The following HMGA2 variants were observed in gnomAD, a reference collection of about 807,000 sequenced individuals.
The protein encoded by HMGA2 is high mobility group protein HMGI-C.
A neutral mutation model predicts 19.1 loss-of-function variants in HMGA2; 8 were observed. That is an observed-to-expected ratio of 0.42 (90% CI 0.25 to 0.76). The LOEUF is 0.76. Ranked by LOEUF, HMGA2 falls within the 30% of genes least tolerant of loss-of-function variation. HMGA2 has a pLI of 0.28. For synonymous variants in HMGA2, 60 were observed against 48.8 expected (o/e 1.23, Z -0.96); for missense variants, 109 against 136.3 (o/e 0.80, Z 1.00).
chr12:65,879,567 T>C (rs1873249810), intron 3 of HMGA2, among the ~76,000 whole-genome samples: 1 of 152,200 alleles, frequency 6.6e-6, no homozygotes, highest in Non-Finnish European at 1.5e-5. Flanking sequence ...CAAAAGTGTG[T>C]TATGACATTT....
chr12:65,874,641 G>A (rs1872883258), intron 3 of HMGA2, among the ~76,000 whole-genome samples: 2 of 152,144 alleles, frequency 1.3e-5, no homozygotes, highest in Admixed American at 1.3e-4. Flanking sequence ...TAAGCAGCTT[G>A]CTACCCTGAT....
At chr12:65,944,724 G>C (rs1311078890) in intron 3 of HMGA2, among the ~76,000 whole-genome samples, 1 of 152,132 alleles carries the variant, frequency 6.6e-6, no homozygotes, top group Non-Finnish European at 1.5e-5. Flanking sequence ...TAATTGATTG[G>C]TTCTGACCTA....
At chr12:65,929,346 C>T (rs1315314162) in intron 3 of HMGA2, among the ~76,000 whole-genome samples, 1 of 151,686 alleles carries the variant, frequency 6.6e-6, no homozygotes, top group Non-Finnish European at 1.5e-5. Context: ...AACCTTTCCT[C>T]TTTGAAGATA....
intron 3 of HMGA2, among the ~76,000 whole-genome samples, chr12:65,929,092 T>G (rs1299534079): frequency 6.6e-6 from 1 of 152,160 alleles, no homozygotes; most frequent in Non-Finnish European, 1.5e-5. Flanking sequence ...GTGGCCAAGT[T>G]TTTGTATAGG....
intron 3 of HMGA2, among the ~76,000 whole-genome samples, chr12:65,912,367 A>C (rs767749861): frequency 6.6e-5 from 10 of 152,200 alleles, no homozygotes; most frequent in Non-Finnish European, 1.5e-4. Context: ...AATTTAAATA[A>C]ATGAATGAAT....
intron 3 of HMGA2, among the ~76,000 whole-genome samples, chr12:65,874,502 G>A (rs1256763349): frequency 6.6e-6 from 1 of 152,164 alleles, no homozygotes; most frequent in Non-Finnish European, 1.5e-5. Context: ...ATTTGAAGAT[G>A]TGGTGCCCTT....
Position 65,825,362 on chromosome 12 carries a change from GC to G in HMGA2, c.96del (p.Arg33GlyfsTer133). On this transcript the variant is annotated frameshift_variant, in exon 1 of 5. Coordinates refer to ENST00000403681, the MANE Select transcript of HMGA2 (RefSeq NM_003483.6). LOFTEE classifies it high-confidence loss of function. This position sits in a 1 kb window ranked among gnomAD's most constrained non-coding sequence, Gnocchi z 4.4. Reference protein sequence around the residue: ...APAPQKRGRGRPRKQQQEPTG... With the variant: ...APAPQKRGRGXPRKQQQEPTG... ...GCGCCTCAGAAGAGAGGACGCGGCC[GC>G]CCCAGGAAGCAGCAGCAAGTCAGTA... 1 of 1,532,574 alleles carries G rather than the reference GC, an allele frequency of 6.5e-7. No individual in the cohort carries two copies. The allele number at this position is 1,532,574 out of a possible 1,614,324, so 94.9% of individuals were successfully genotyped here.
In HMGA2 at chr12:65,825,690, A is replaced by T. The variant is rs796420555; in HGVS notation, c.111+309A>T. Among the ~76,000 whole-genome samples, 3 of 151,736 alleles carry T rather than the reference A, an allele frequency of 2.0e-5. No individual in the cohort carries two copies. The highest frequency in any genetic ancestry group is 6.6e-5 in the Admixed American group (1 of 15,260). ...GGCCCCGAGTGGCGCGGTGTCGCCCAGTGACTGGAAGCGACCGGGATCCGA... is the reference window on the plus strand; with the variant it reads ...GGCCCCGAGTGGCGCGGTGTCGCCCTGTGACTGGAAGCGACCGGGATCCGA... On this transcript the variant is annotated intron_variant, in intron 1 of 4. Coordinates refer to ENST00000403681, the MANE Select transcript of HMGA2 (RefSeq NM_003483.6). The surrounding 1 kb of genome is among the most constrained non-coding windows in gnomAD (Gnocchi z 4.4).
chr12:65,903,887 C>G (rs1448580281), intron 3 of HMGA2, among the ~76,000 whole-genome samples: 2 of 152,144 alleles, frequency 1.3e-5, no homozygotes, highest in Non-Finnish European at 2.9e-5. Context: ...TGAAATAAGA[C>G]CCAACACTGG....
At chr12:65,946,192 T>G (rs932290696) in intron 3 of HMGA2, among the ~76,000 whole-genome samples, 2 of 152,174 alleles carry the variant, frequency 1.3e-5, no homozygotes, top group Admixed American at 1.3e-4. Context: ...TATACTATAT[T>G]GCTATGAGAA....
At chr12:65,853,768 C>T (rs1565708709) in intron 3 of HMGA2, among the ~76,000 whole-genome samples, 1 of 152,194 alleles carries the variant, frequency 6.6e-6, no homozygotes, top group Non-Finnish European at 1.5e-5. Flanking sequence ...CTTGGCGCAT[C>T]GTGAGTGCTC....
At chr12:65,836,158 G>A (rs1240671045) in intron 2 of HMGA2, among the ~76,000 whole-genome samples, 1 of 152,040 alleles carries the variant, frequency 6.6e-6, no homozygotes, top group African/African-American at 2.4e-5. Context: ...AGGAGATCGA[G>A]ACCATCCTGG....
intron 3 of HMGA2, among the ~76,000 whole-genome samples, chr12:65,919,886 C>T (rs1430045491): frequency 6.6e-6 from 1 of 152,198 alleles, no homozygotes; most frequent in African/African-American, 2.4e-5. Flanking sequence ...ACAAAGAACA[C>T]CTTGGGCCTC....
Position 65,937,705 on chromosome 12 carries a change from A to G in HMGA2, c.250-13678A>G, listed in dbSNP as rs531889652. ...AAACCACTGACACCATCTCCATAAT[A>G]ACTGTAAAACTGAAACATACACGTT... On this transcript the variant is annotated intron_variant, in intron 3 of 4. Coordinates refer to ENST00000403681, the MANE Select transcript of HMGA2 (RefSeq NM_003483.6). 5.3e-5 allele frequency among the ~76,000 whole-genome samples: 8 copies of G among 152,296 alleles called. No homozygotes were observed. The South Asian group carries it at 1.7e-3, about 32-fold the overall frequency.
At chr12:65,931,573 G>T (rs1875714794) in intron 3 of HMGA2, among the ~76,000 whole-genome samples, 4 of 151,830 alleles carry the variant, frequency 2.6e-5, no homozygotes, top group Admixed American at 1.3e-4. Flanking sequence ...GTGTGTGTGT[G>T]TGTGTGTGTG....
At chr12:65,915,512 A>C in intron 3 of HMGA2, 1 of 1,184,158 alleles carries the variant, frequency 8.4e-7, no homozygotes, top group Non-Finnish European at 1.1e-6. Context: ...TTCATAAAAC[A>C]GATGCTTAAA....
At position 65,963,385 on chromosome 12, in the gene HMGA2, T is replaced by G; in HGVS notation, c.*93T>G. 2.0e-6 allele frequency: 1 copy of G among 493,446 alleles called. No individual in the cohort carries two copies. The highest frequency in any genetic ancestry group is 3.4e-6 in the Non-Finnish European group (1 of 295,332). The allele number at this position is 493,446 out of a possible 1,614,324, so 30.6% of individuals were successfully genotyped here. On this transcript the variant is annotated 3_prime_UTR_variant, in exon 5 of 5. Transcript: ENST00000403681. ...GACCACTTATTCTGTATTGCCATGG[T>G]CTTTCCACTTTCATCTGGGGTGGGG...
At chr12:65,937,130 A>G (rs1875924723) in intron 3 of HMGA2, among the ~76,000 whole-genome samples, 1 of 152,160 alleles carries the variant, frequency 6.6e-6, no homozygotes, top group Admixed American at 6.6e-5. Flanking sequence ...TAAAAAAATT[A>G]ATTTTTTTTT....
chr12:65,925,755 A>G lies in HMGA2; in HGVS notation c.250-25628A>G, dbSNP rs139632004. Among the ~76,000 whole-genome samples, 139 of 147,678 alleles carry G rather than the reference A, an allele frequency of 9.4e-4. 1 individual carries two copies. The highest frequency in any genetic ancestry group is 3.5e-3 in the African/African-American group (135 of 38,810). The stretch of plus-strand genomic sequence containing the variant: ...CATTAAGTTTTCGATGATCTTGCAG[A>G]TCTTTGAGAGAATGCGGATCTCGGG... On this transcript the variant is annotated intron_variant, in intron 3 of 4. Transcript: ENST00000403681.
Sources: gnomAD v4.1 joint callset for allele counts (sites outside exome capture counted in the v4.1 genomes callset) on GRCh38, gnomAD v4.1.1 for gene constraint, Gnocchi (gnomAD v3.1) non-coding constraint, MANE v1.5 for transcripts, NCBI Gene and HGNC (gene_info 2026-07-23, HGNC 2026-07-21) for gene names.